The following CHRM3 variants were observed in gnomAD, a reference collection of about 807,000 sequenced individuals.
The protein encoded by CHRM3 is cholinergic receptor muscarinic 3, also known as muscarinic acetylcholine receptor M3.
In CHRM3, 11 loss-of-function variants were observed where a neutral mutation model predicts 41.8. That is an observed-to-expected ratio of 0.26 (90% CI 0.17 to 0.44). The LOEUF is 0.44. Among genes scored for constraint, CHRM3 ranks in the 20% least tolerant of loss-of-function variants. CHRM3 has a pLI of 1.00. For synonymous variants in CHRM3, 297 were observed against 301.4 expected, an observed-to-expected ratio of 0.99 and a Z score of 0.15; for missense variants, 571 against 745.4, an observed-to-expected ratio of 0.77 and a Z score of 2.72.
At chr1:239,516,112 T>A (rs1447275758) in intron 2 of CHRM3, among the ~76,000 whole-genome samples, 1 of 152,242 alleles carries the variant, frequency 6.6e-6, no homozygotes, top group African/African-American at 2.4e-5. Context: ...TGTGCTTACT[T>A]GCAACAACCA....
At chr1:239,808,017 A>G (rs112658916) in intron 5 of CHRM3, among the ~76,000 whole-genome samples, 9 of 152,250 alleles carry the variant, frequency 5.9e-5, no homozygotes, top group African/African-American at 2.2e-4. Flanking sequence ...TAAAACATGA[A>G]GTTTTTTAAA....
At chr1:239,480,521 C>T (rs1017138754) in intron 1 of CHRM3, among the ~76,000 whole-genome samples, 1 of 147,262 alleles carries the variant, frequency 6.8e-6, no homozygotes, top group Non-Finnish European at 1.5e-5. Context: ...CATTTTAACT[C>T]AGGTAATCCT....
chr1:239,719,734 A>C (rs1203461807), intron 5 of CHRM3: 1 of 151,878 alleles, frequency 6.6e-6, no homozygotes, highest in Non-Finnish European at 1.5e-5. Context: ...CGGCCTGGTT[A>C]TATCTTCTTA....
intron 5 of CHRM3, among the ~76,000 whole-genome samples, chr1:239,766,156 G>A (rs1192585843): frequency 6.6e-6 from 1 of 152,066 alleles, no homozygotes; most frequent in East Asian, 1.9e-4. Flanking sequence ...CCAGATCTGG[G>A]AGAGATAAGA....
At chr1:239,568,735 A>C (rs1330306398) in intron 3 of CHRM3, among the ~76,000 whole-genome samples, 1 of 151,820 alleles carries the variant, frequency 6.6e-6, no homozygotes, top group Non-Finnish European at 1.5e-5. Flanking sequence ...TCCATCATCC[A>C]TTCTCCAGGA....
At chr1:239,402,926 GT>G (rs1660101191) in intron 1 of CHRM3, among the ~76,000 whole-genome samples, 1 of 152,068 alleles carries the variant, frequency 6.6e-6, no homozygotes, top group Admixed American at 6.6e-5. Flanking sequence ...GCAAATTCAA[GT>G]TTTGCTTTTT....
chr1:239,766,895 A>G (rs1667270940), intron 5 of CHRM3, among the ~76,000 whole-genome samples: 2 of 152,096 alleles, frequency 1.3e-5, no homozygotes, highest in African/African-American at 4.8e-5. Flanking sequence ...TATTTTTAGT[A>G]GAGACAGGGT....
chr1:239,429,961 C>T (rs1662693563), intron 1 of CHRM3, among the ~76,000 whole-genome samples: 2 of 145,986 alleles, frequency 1.4e-5, no homozygotes, highest in African/African-American at 2.5e-5. Context: ...AGTAAATAAA[C>T]ACCCAGACAA....
intron 5 of CHRM3, among the ~76,000 whole-genome samples, chr1:239,715,485 T>C (rs1662254961): frequency 6.6e-6 from 1 of 152,052 alleles, no homozygotes; most frequent in Non-Finnish European, 1.5e-5. Flanking sequence ...AAAACTATCA[T>C]GGAAGAATGC....
At chr1:239,876,060 C>T (rs752020312) in intron 6 of CHRM3, among the ~76,000 whole-genome samples, 3 of 152,164 alleles carry the variant, frequency 2.0e-5, no homozygotes, top group African/African-American at 2.4e-5. Context: ...CCACTGGTGA[C>T]GTGCTAAAGA....
chr1:239,524,884 T>C (rs1466939317), intron 2 of CHRM3, among the ~76,000 whole-genome samples: 2 of 152,174 alleles, frequency 1.3e-5, no homozygotes, highest in Non-Finnish European at 2.9e-5. Flanking sequence ...TCTATTTTAA[T>C]ACTTGGATAA....
chr1:239,903,737 G>C (rs1231130740), intron 6 of CHRM3, among the ~76,000 whole-genome samples: 1 of 152,100 alleles, frequency 6.6e-6, no homozygotes, highest in Non-Finnish European at 1.5e-5. Context: ...TTCCCATGTG[G>C]TGGCAAATAG....
intron 6 of CHRM3, among the ~76,000 whole-genome samples, chr1:239,897,515 T>C (rs770971079): frequency 6.6e-6 from 1 of 152,222 alleles, no homozygotes; most frequent in Non-Finnish European, 1.5e-5. Context: ...GCACTGTTCT[T>C]TATCCTCCAC....
At position 239,477,343 on chromosome 1, in the gene CHRM3, T is replaced by G. The variant is rs1666534891; in HGVS notation, c.-520-15366T>G. ...AGAAATGCCTAGGGAACTTCCAATTTAGGTTAAGATTTAGAAAATTATAGA... is the reference window on the plus strand; with the variant it reads ...AGAAATGCCTAGGGAACTTCCAATTGAGGTTAAGATTTAGAAAATTATAGA... On this transcript the variant is annotated intron_variant, in intron 1 of 6. Coordinates refer to ENST00000676153, the MANE Select transcript of CHRM3 (RefSeq NM_001375978.1). Among the ~76,000 whole-genome samples, 8 of 152,322 alleles carry G rather than the reference T, an allele frequency of 5.3e-5. No individual in the cohort carries two copies. In the South Asian group the frequency reaches 1.7e-3, roughly 32 times the overall value.
intron 5 of CHRM3, among the ~76,000 whole-genome samples, chr1:239,815,537 C>T (rs1252283011): frequency 1.3e-5 from 2 of 152,122 alleles, no homozygotes; most frequent in Non-Finnish European, 2.9e-5. Context: ...TAATTTAAAC[C>T]AAGCATATAG....
At chr1:239,474,786 AAAAC>A (rs975120950) in intron 1 of CHRM3, among the ~76,000 whole-genome samples, 74 of 152,250 alleles carry the variant, frequency 4.9e-4, no homozygotes, top group Admixed American at 3.9e-4. Context: ...GAACCTATTT[AAAAC>A]AAACAAACTA....
chr1:239,674,986 C>A (rs554174140), intron 4 of CHRM3, among the ~76,000 whole-genome samples: 44 of 152,244 alleles, frequency 2.9e-4, no homozygotes, highest in African/African-American at 9.6e-4. Context: ...CCCTCCCACT[C>A]CTGACTTCTT....
chr1:239,851,646 T>G (rs1381320728), intron 6 of CHRM3, among the ~76,000 whole-genome samples: 4 of 152,300 alleles, frequency 2.6e-5, no homozygotes, highest in African/African-American at 9.6e-5. Flanking sequence ...ATCTGACACC[T>G]TCTTGGGGAC....
At chr1:239,795,710 A>T (rs1669712420) in intron 5 of CHRM3, among the ~76,000 whole-genome samples, 2 of 152,228 alleles carry the variant, frequency 1.3e-5, no homozygotes, top group African/African-American at 4.8e-5. Flanking sequence ...TCACCTCAAA[A>T]TTAGGAAAGC....
Sources: allele counts gnomAD v4.1 joint callset (sites outside exome capture counted in the v4.1 genomes callset), GRCh38; gene constraint gnomAD v4.1.1; transcripts MANE v1.5; gene names NCBI Gene and HGNC (gene_info 2026-07-23, HGNC 2026-07-21).